The following SORBS2 variants were observed in gnomAD, a reference collection of about 807,000 sequenced individuals.
SORBS2 encodes sorbin and SH3 domain containing 2, also known as sorbin and SH3 domain-containing protein 2.
A neutral mutation model predicts 97.7 loss-of-function variants in SORBS2; 46 were observed. The ratio of observed to expected loss-of-function variants is 0.47; its 90% confidence interval spans 0.37 to 0.60. SORBS2 has a LOEUF of 0.60. Ranked by LOEUF, SORBS2 falls within the 20% of genes least tolerant of loss-of-function variation. The pLI, the probability that SORBS2 is intolerant of heterozygous loss-of-function variation, is 0.00. For synonymous variants in SORBS2, 476 were observed against 473.4 expected (o/e 1.01, Z -0.07); for missense variants, 1,316 against 1,282.3 (o/e 1.03, Z -0.40).
intron 2 of SORBS2, 63 bp from the exon 12 acceptor site, chr4:185,649,719 T>A: frequency 9.1e-7 from 1 of 1,104,780 alleles, no homozygotes; most frequent in Non-Finnish European, 1.2e-6. Flanking sequence ...AAAAATGAAT[T>A]AAATTATTTG....
rs143506775 is a variant in SORBS2, at chr4:185,786,064, G to A, written c.-337-10698C>T. Among the ~76,000 whole-genome samples the A allele has an allele frequency of 2.8e-3, 433 of 152,266 alleles. 3 individuals carry two copies. The highest frequency in any genetic ancestry group is 4.1e-3 in the Admixed American group (63 of 15,286). ...CTTTTACTTTGCTGTTGGGGAAAAT[G>A]AAATGGATTGGGCACACCTAGATAT... On this transcript the variant is annotated intron_variant, in intron 1 of 20. Coordinates refer to the SORBS2 transcript ENST00000284776.
chr4:185,770,157 C>A (rs552927792), intron 2 of SORBS2, among the ~76,000 whole-genome samples: 7 of 151,868 alleles, frequency 4.6e-5, no homozygotes, highest in African/African-American at 1.7e-4. Context: ...CGGCTCACTG[C>A]AACCTCCGCC....
intron 7 of SORBS2, 65 bp from the exon 20 acceptor site, chr4:185,620,216 C>T: frequency 2.8e-6 from 3 of 1,076,910 alleles, no homozygotes; most frequent in Non-Finnish European, 4.3e-6. Context: ...CCTGTTCCGC[C>T]ATTTTCCCTG....
intron 2 of SORBS2, among the ~76,000 whole-genome samples, chr4:185,718,140 A>G (rs1030943279): frequency 1.3e-5 from 2 of 152,110 alleles, no homozygotes; most frequent in Admixed American, 1.3e-4. Flanking sequence ...CTGAGGCAGG[A>G]GAATCGCTTG....
At chr4:185,907,821 T>C (rs2099251940) in intron 1 of SORBS2, among the ~76,000 whole-genome samples, 1 of 152,188 alleles carries the variant, frequency 6.6e-6, no homozygotes, top group Admixed American at 6.5e-5. Context: ...TCATTTCCAA[T>C]CTTCTCCTTG....
intron 13 of SORBS2, among the ~76,000 whole-genome samples, chr4:185,590,250 G>A (rs2095892699): frequency 6.6e-6 from 1 of 152,128 alleles, no homozygotes; most frequent in African/African-American, 2.4e-5. Context: ...AAATAATGGG[G>A]GCTTGAGAAT....
At chr4:185,657,637 C>T, upstream of SORBS2, 2 of 1,542,876 alleles carry the variant, frequency 1.3e-6, no homozygotes, top group East Asian at 2.3e-5. Flanking sequence ...ATTCGTTGCA[C>T]AGGGAATCAT....
At chr4:185,661,056 C>T (rs1254493347), upstream of SORBS2, among the ~76,000 whole-genome samples, 3 of 152,054 alleles carry the variant, frequency 2.0e-5, no homozygotes, top group African/African-American at 4.8e-5. Context: ...AGGTGGATCA[C>T]CTGAGGTCAG....
chr4:185,848,171 G>A (rs754434467), intron 1 of SORBS2, among the ~76,000 whole-genome samples: 20 of 152,096 alleles, frequency 1.3e-4, no homozygotes, highest in Non-Finnish European at 2.4e-4. Context: ...GGGGATGCGC[G>A]GTGATGACTT....
At chr4:185,762,851 ACC>A (rs2098907601) in intron 2 of SORBS2, among the ~76,000 whole-genome samples, 1 of 152,214 alleles carries the variant, frequency 6.6e-6, no homozygotes, top group South Asian at 2.1e-4. Context: ...CCCAAAATAC[ACC>A]ACTCTGGCAT....
intron 1 of SORBS2, among the ~76,000 whole-genome samples, chr4:185,819,568 T>C (rs1196991141): frequency 1.3e-5 from 2 of 152,036 alleles, no homozygotes; most frequent in African/African-American, 4.8e-5. Context: ...TAATAGGGAG[T>C]GGATAGACAA....
At chr4:185,619,589 C>T (rs1031464933) in intron 8 of SORBS2, among the ~76,000 whole-genome samples, 1 of 152,120 alleles carries the variant, frequency 6.6e-6, no homozygotes, top group African/African-American at 2.4e-5. Context: ...GGCAGTATCC[C>T]GAGAACTGGG....
chr4:185,847,492 C>T (rs1024833600), intron 1 of SORBS2, among the ~76,000 whole-genome samples: 2 of 152,094 alleles, frequency 1.3e-5, no homozygotes, highest in African/African-American at 2.4e-5. Flanking sequence ...AATCCATCCT[C>T]GCAGGATCTG....
chr4:185,637,884 C>A (rs1355737694), intron 4 of SORBS2, among the ~76,000 whole-genome samples, 195 bp downstream of exon 15: 1 of 152,016 alleles, frequency 6.6e-6, no homozygotes, highest in South Asian at 2.1e-4. Context: ...ACCTACAAAC[C>A]ACATAGGAAA....
At chr4:185,793,623 G>A (rs1051454935) in intron 1 of SORBS2, among the ~76,000 whole-genome samples, 1 of 152,024 alleles carries the variant, frequency 6.6e-6, no homozygotes, top group Non-Finnish European at 1.5e-5. Flanking sequence ...TTTTGACCCA[G>A]TTGAGCCTTG....
chr4:185,948,896 G>A (rs13118657), intron 1 of SORBS2, among the ~76,000 whole-genome samples: 17,273 of 151,402 alleles, frequency 0.11, 1,301 homozygotes, highest in Middle Eastern at 0.24. Context: ...TCTTTTTCTC[G>A]TAAGGTGAAA....
chr4:185,808,904 T>C (rs2153665090), intron 1 of SORBS2, among the ~76,000 whole-genome samples: 1 of 152,306 alleles, frequency 6.6e-6, no homozygotes, highest in South Asian at 2.1e-4. Context: ...ATAATAGCCA[T>C]GGATAGAAAA....
At chr4:185,672,488 T>A (rs1272573617) in intron 4 of SORBS2, among the ~76,000 whole-genome samples, 1 of 152,216 alleles carries the variant, frequency 6.6e-6, no homozygotes, top group Non-Finnish European at 1.5e-5. Flanking sequence ...AATGTGACAT[T>A]TTTAGCAACA....
chr4:185,839,288 G>T (rs1409536291), intron 1 of SORBS2, among the ~76,000 whole-genome samples: 1 of 152,250 alleles, frequency 6.6e-6, no homozygotes, highest in Non-Finnish European at 1.5e-5. Flanking sequence ...GAGAAAGAGG[G>T]CATGGAGAAG....
Sources: allele counts gnomAD v4.1 joint callset (sites outside exome capture counted in the v4.1 genomes callset), GRCh38; gene constraint gnomAD v4.1.1; transcripts MANE v1.5; gene names NCBI Gene and HGNC (gene_info 2026-07-23, HGNC 2026-07-21).